The following COG5 variants were observed in gnomAD, a reference collection of about 807,000 sequenced individuals.
COG5 encodes the protein component of oligomeric golgi complex 5.
In COG5, 86 loss-of-function variants were observed where a neutral mutation model predicts 110.4. The ratio of observed to expected loss-of-function variants is 0.78; its 90% CI spans 0.65 to 0.93. The LOEUF is 0.93. Ranked by LOEUF, COG5 falls within the 40% of genes least tolerant of loss-of-function variation. The pLI is 0.00. For missense variants in COG5, 1,077 were observed against 987.0 expected (o/e 1.09, Z -1.22); for synonymous variants, 360 against 334.6 (o/e 1.08, Z -0.83).
chr7:107,260,075 G>GATAT (rs143875588), intron 14 of COG5, among the ~76,000 whole-genome samples: 26,816 of 131,364 alleles, frequency 0.2, 3,539 homozygotes, highest in Non-Finnish European at 0.27. Flanking sequence ...AACTCCTAGT[G>GATAT]ATATATATAT....
chr7:107,377,410 T>A (rs1430898790), intron 7 of COG5, among the ~76,000 whole-genome samples: 1 of 152,174 alleles, frequency 6.6e-6, no homozygotes, highest in Non-Finnish European at 1.5e-5. Context: ...GGTCTGTTAT[T>A]AGATCACCTT....
intron 18 of COG5, among the ~76,000 whole-genome samples, chr7:107,233,278 A>G (rs1026130922): frequency 5.3e-5 from 8 of 152,212 alleles, no homozygotes; most frequent in African/African-American, 1.9e-4. Context: ...GCAGAACCCC[A>G]GTGTCGTGGA....
intron 10 of COG5, among the ~76,000 whole-genome samples, chr7:107,347,342 G>C (rs1387667363): frequency 6.6e-6 from 1 of 152,080 alleles, no homozygotes; most frequent in East Asian, 1.9e-4. Context: ...CTGGGGAGGG[G>C]GATGAGAGAG....
intron 6 of COG5, among the ~76,000 whole-genome samples, chr7:107,463,333 G>A (rs1393009941): frequency 1.3e-5 from 2 of 152,174 alleles, no homozygotes; most frequent in Non-Finnish European, 2.9e-5. Flanking sequence ...CTGCTGTACT[G>A]GGAAATGGTT....
At chr7:107,393,367 C>T (rs556965053) in intron 7 of COG5, among the ~76,000 whole-genome samples, 96 of 152,264 alleles carry the variant, frequency 6.3e-4, no homozygotes, top group Non-Finnish European at 1.2e-3. Context: ...TACCCCATCA[C>T]GATCTGTAGA....
At chr7:107,344,634 C>T (rs916330425) in intron 10 of COG5, among the ~76,000 whole-genome samples, 1 of 152,214 alleles carries the variant, frequency 6.6e-6, no homozygotes, top group Non-Finnish European at 1.5e-5. Context: ...AAGAAATTCT[C>T]CTGTCTCAGC....
intron 19 of COG5, among the ~76,000 whole-genome samples, chr7:107,228,908 C>T (rs1754464947): frequency 1.3e-5 from 2 of 152,044 alleles, no homozygotes; most frequent in African/African-American, 4.8e-5. Flanking sequence ...AGCTTGATGA[C>T]AGAAGAGAGC....
chr7:107,393,374 T>C lies in COG5; in HGVS notation c.669+19128A>G, dbSNP rs114018371. On this transcript the variant is annotated intron_variant, in intron 7 of 21. Coordinates refer to ENST00000297135, the MANE Select transcript of COG5 (RefSeq NM_006348.5). Reference sequence around the variant, plus strand: ...CACTGCAATACCCCATCACGATCTGTAGAAAACAGTATACTCCAAGAAGAC... The same window carrying C: ...CACTGCAATACCCCATCACGATCTGCAGAAAACAGTATACTCCAAGAAGAC... Among the ~76,000 whole-genome samples, 677 of 152,298 alleles carry C rather than the reference T, an allele frequency of 4.4e-3. 3 individuals are homozygous for C. Among genetic ancestry groups the C allele is most frequent in the African/African-American group, 0.016 (648 of 41,560 alleles).
chr7:107,389,448 A>C (rs1212571050), intron 7 of COG5, among the ~76,000 whole-genome samples: 3 of 152,244 alleles, frequency 2.0e-5, no homozygotes, highest in African/African-American at 7.2e-5. Flanking sequence ...AATTATGGCT[A>C]AATCATGGCA....
chr7:107,383,235 G>C (rs1815284029), intron 7 of COG5, among the ~76,000 whole-genome samples: 1 of 152,076 alleles, frequency 6.6e-6, no homozygotes, highest in South Asian at 2.1e-4. Context: ...TCAGCTTAAT[G>C]ATAAGGAGTC....
chr7:107,453,964 T>C (rs1477479081), intron 6 of COG5, among the ~76,000 whole-genome samples: 1 of 145,618 alleles, frequency 6.9e-6, no homozygotes, highest in Non-Finnish European at 1.5e-5. Context: ...AATATCCAAA[T>C]CAAAACAAAT....
chr7:107,534,371 C>T (rs1459639443), intron 5 of COG5, among the ~76,000 whole-genome samples: 2 of 151,114 alleles, frequency 1.3e-5, no homozygotes, highest in Admixed American at 1.3e-4. Context: ...CACAGACTGG[C>T]AAATTGGATA....
intron 10 of COG5, among the ~76,000 whole-genome samples, chr7:107,360,585 G>T (rs1330735390): frequency 6.6e-6 from 1 of 152,096 alleles, no homozygotes; most frequent in Non-Finnish European, 1.5e-5. Context: ...GTTTCCAGGT[G>T]TCACTACATT....
At chr7:107,560,924 GA>G (rs59685775) in intron 1 of COG5, among the ~76,000 whole-genome samples, 17,833 of 151,760 alleles carry the variant, frequency 0.12, 2,706 homozygotes, top group African/African-American at 0.35. Flanking sequence ...GATGATTTAG[GA>G]AAAAAAAGTT....
intron 21 of COG5, chr7:107,209,196 C>T (rs956226166): frequency 1.0e-6 from 1 of 985,248 alleles, no homozygotes; most frequent in Admixed American, 6.2e-5. Context: ...GAATTGGGAT[C>T]CCCTGGGAGA....
intron 1 of COG5, among the ~76,000 whole-genome samples, chr7:107,559,138 T>C (rs1219176534): frequency 2.0e-5 from 3 of 152,062 alleles, no homozygotes; most frequent in Non-Finnish European, 4.4e-5. Context: ...TTTATAGGTG[T>C]TACTGAAATT....
intron 8 of COG5, among the ~76,000 whole-genome samples, chr7:107,362,633 T>C (rs1399801909): frequency 6.6e-6 from 1 of 151,914 alleles, no homozygotes; most frequent in African/African-American, 2.4e-5. Context: ...TTGATGAAAA[T>C]GGTTTCCTAC....
intron 6 of COG5, among the ~76,000 whole-genome samples, chr7:107,435,349 G>A (rs1006687155): frequency 6.6e-6 from 1 of 151,924 alleles, no homozygotes; most frequent in African/African-American, 2.4e-5. Flanking sequence ...TTGTTGAGGA[G>A]TATATAGAAA....
chr7:107,261,837 T>G (rs969960815), intron 14 of COG5, among the ~76,000 whole-genome samples: 1 of 152,152 alleles, frequency 6.6e-6, no homozygotes, highest in Non-Finnish European at 1.5e-5. Context: ...ATTTTACTTA[T>G]TTTTAATTTT....
Sources: gnomAD v4.1 joint callset for allele counts (sites outside exome capture counted in the v4.1 genomes callset) on GRCh38, gnomAD v4.1.1 for gene constraint, MANE v1.5 for transcripts, NCBI Gene and HGNC (gene_info 2026-07-23, HGNC 2026-07-21) for gene names.